Variants in IRAG2 observed in about 807,000 individuals in gnomAD.
The protein encoded by IRAG2 is lymphoid restricted membrane protein.
In IRAG2, 45 loss-of-function variants were observed where a neutral mutation model predicts 69.9. That is an observed-to-expected ratio of 0.64 (90% CI 0.51 to 0.83). The LOEUF (loss-of-function observed/expected upper bound fraction) is 0.83. Among genes scored for constraint, IRAG2 ranks in the 40% least tolerant of loss-of-function variants. The pLI is 0.00. For missense variants in IRAG2, 520 were observed against 587.0 expected, an observed-to-expected ratio of 0.89 and a Z score of 1.18; for synonymous variants, 193 against 202.4, an observed-to-expected ratio of 0.95 and a Z score of 0.40.
At chr12:25,021,677 G>A (rs990932036) in intron 7 of IRAG2, among the ~76,000 whole-genome samples, 5 of 152,204 alleles carry the variant, frequency 3.3e-5, no homozygotes, top group African/African-American at 7.2e-5. Context: ...CAGTACTCTA[G>A]TATCATTAAC....
intron 14 of IRAG2, among the ~76,000 whole-genome samples, chr12:25,096,683 CA>C (rs949798408): frequency 5.6e-4 from 85 of 152,068 alleles, no homozygotes; most frequent in African/African-American, 2.0e-3. Flanking sequence ...AAAAAGGGAT[CA>C]AGAATAGACA....
intron 20 of IRAG2, among the ~76,000 whole-genome samples, chr12:25,105,595 ACT>A (rs1427349263): frequency 4.6e-5 from 7 of 151,496 alleles, no homozygotes; most frequent in Non-Finnish European, 1.0e-4. Context: ...TGTGTTACAA[ACT>A]CTTTTCAGAT....
Position 25,063,717 on chromosome 12 carries a change from C to T in IRAG2, c.-303-3C>T, listed in dbSNP as rs901647122. On this transcript the variant is annotated splice_polypyrimidine_tract_variant and splice_region_variant and intron_variant, in intron 3 of 21. Transcript: ENST00000556887. ...GGCTAATACTACTTGGTTTTCTGTT[C>T]AGAAGCAGTGTTGCCACAAACTATA... 6 of 398,776 alleles carry T rather than the reference C, an allele frequency of 1.5e-5. No individual in the cohort carries two copies. The highest frequency in any genetic ancestry group is 2.7e-5 in the Non-Finnish European group (6 of 226,032). 24.7% of individuals were successfully genotyped at this position (398,776 alleles called of 1,614,324 possible).
At chr12:25,100,292 G>A (rs1948683392) in intron 15 of IRAG2, among the ~76,000 whole-genome samples, 1 of 152,026 alleles carries the variant, frequency 6.6e-6, no homozygotes. Flanking sequence ...GTACGTTGCT[G>A]GGAGATGTGA....
the IRAG2 span, among the ~76,000 whole-genome samples, chr12:24,998,277 G>A: frequency 3.2e-4 from 48 of 152,206 alleles, no homozygotes; most frequent in African/African-American, 1.1e-3. Context: ...AATTGTGGGA[G>A]GAAAGTTTCT....
Position 25,078,253 on chromosome 12 carries a change from A to G in IRAG2, c.25-991A>G, listed in dbSNP as rs551338234. ...ATGTACTAAACATATATAAGCTACT[A>G]TCATTGTACTGGATAAATACAAATT... On this transcript the variant is annotated intron_variant, in intron 6 of 21. Transcript: ENST00000556887. 1.7e-4 allele frequency among the ~76,000 whole-genome samples: 26 copies of G among 152,380 alleles called. No homozygotes were observed. The South Asian group carries it at 4.1e-3, about 24-fold the overall frequency.
intron 17 of IRAG2, chr12:25,103,033 T>C (rs1948841602): frequency 6.6e-6 from 1 of 152,198 alleles, no homozygotes; most frequent in African/African-American, 2.4e-5. Context: ...GAAACCAAGT[T>C]TCTTGGGCCG....
At chr12:25,021,325 G>C in intron 7 of IRAG2, among the ~76,000 whole-genome samples, 1 of 151,644 alleles carries the variant, frequency 6.6e-6, no homozygotes, top group East Asian at 1.9e-4. Context: ...ATTCACAATA[G>C]TTTCTGAAAA....
chr12:25,067,447 G>C (rs929347039), intron 5 of IRAG2, among the ~76,000 whole-genome samples: 2 of 152,156 alleles, frequency 1.3e-5, no homozygotes, highest in Non-Finnish European at 2.9e-5. Flanking sequence ...CGATTCCACA[G>C]GTTAAGGGCT....
At chr12:25,047,128 C>T (rs1445996797) in intron 16 of IRAG2, among the ~76,000 whole-genome samples, 1 of 151,994 alleles carries the variant, frequency 6.6e-6, no homozygotes, top group African/African-American at 2.4e-5. Context: ...CATCCACAGA[C>T]AAAAGAATGA....
chr12:25,027,226 A>G (rs994032106), intron 9 of IRAG2, among the ~76,000 whole-genome samples: 7 of 151,766 alleles, frequency 4.6e-5, no homozygotes, highest in African/African-American at 9.7e-5. Flanking sequence ...CCTCTCCCCA[A>G]CCCTAAGCAG....
chr12:25,088,611 T>G (rs1947809689), intron 11 of IRAG2, among the ~76,000 whole-genome samples: 1 of 152,162 alleles, frequency 6.6e-6, no homozygotes, highest in Non-Finnish European at 1.5e-5. Flanking sequence ...TCTTGGAAAG[T>G]TACTTAACCT....
At chr12:25,096,155 AT>A (rs199646861) in intron 14 of IRAG2, among the ~76,000 whole-genome samples, 1 of 152,032 alleles carries the variant, frequency 6.6e-6, no homozygotes, top group South Asian at 2.1e-4. Context: ...AGAAAGGTTG[AT>A]TTTTTTTGAA....
intron 6 of IRAG2, among the ~76,000 whole-genome samples, chr12:25,072,483 C>G (rs184520947): frequency 4.6e-5 from 7 of 152,264 alleles, no homozygotes; most frequent in African/African-American, 1.7e-4. Context: ...AACTCCCCAC[C>G]TACCATCATT....
intron 16 of IRAG2, among the ~76,000 whole-genome samples, chr12:25,039,695 G>T (rs1304566710): frequency 6.6e-6 from 1 of 152,208 alleles, no homozygotes; most frequent in Non-Finnish European, 1.5e-5. Flanking sequence ...CTCCCAAAGT[G>T]CTGGGATTAC....
intron 10 of IRAG2, among the ~76,000 whole-genome samples, chr12:25,084,346 T>C (rs1947428182): frequency 6.6e-6 from 1 of 151,930 alleles, no homozygotes; most frequent in Non-Finnish European, 1.5e-5. Context: ...GCAATGAGCA[T>C]GCCACTGCAC....
chr12:25,069,499 T>C, intron 6 of IRAG2, 68 bp downstream of exon 6: 1 of 1,339,530 alleles, frequency 7.5e-7, no homozygotes, highest in Non-Finnish European at 1.1e-6. Flanking sequence ...TCTATGGGTA[T>C]TCTTTTTCCC....
At chr12:25,104,137 A>G in intron 19 of IRAG2, 79 bp downstream of exon 19, 2 of 1,157,666 alleles carry the variant, frequency 1.7e-6, no homozygotes, top group Non-Finnish European at 2.5e-6. Context: ...GCTCAAATTA[A>G]GTGATATAGT....
At chr12:25,003,156 T>G (rs1364654773), upstream of IRAG2, among the ~76,000 whole-genome samples, 2 of 152,202 alleles carry the variant, frequency 1.3e-5, no homozygotes, top group Non-Finnish European at 2.9e-5. Flanking sequence ...CCAATTATAG[T>G]ACATTTAAAA....
Sources: allele counts gnomAD v4.1 joint callset (sites outside exome capture counted in the v4.1 genomes callset), GRCh38; gene constraint gnomAD v4.1.1; transcripts MANE v1.5; gene names NCBI Gene and HGNC (gene_info 2026-07-23, HGNC 2026-07-21).